The following ADAMTS17 variants were observed in gnomAD, a reference collection of about 807,000 sequenced individuals.
The protein encoded by ADAMTS17 is ADAM metallopeptidase with thrombospondin type 1 motif 17.
A neutral mutation model predicts 141.5 loss-of-function variants in ADAMTS17; 113 were observed. The ratio of observed to expected loss-of-function variants is 0.80; its 90% CI spans 0.69 to 0.93. The LOEUF is 0.93. Among genes scored for constraint, ADAMTS17 ranks in the 40% least tolerant of loss-of-function variants. The pLI, the probability that ADAMTS17 is intolerant of heterozygous loss-of-function variation, is 0.00. For synonymous variants in ADAMTS17, 768 were observed against 630.6 expected (o/e 1.22, Z -3.27); for missense variants, 1,659 against 1,517.9 (o/e 1.09, Z -1.54).
At chr15:100,147,403 C>T (rs765955869) in intron 10 of ADAMTS17, among the ~76,000 whole-genome samples, 16 of 152,162 alleles carry the variant, frequency 1.1e-4, no homozygotes, top group African/African-American at 1.4e-4. Flanking sequence ...CAAACCTAGA[C>T]GGCATAACCT....
In ADAMTS17 at chr15:99,993,338, G is replaced by A; in HGVS notation, c.2797-138C>T. The A allele has an allele frequency of 2.3e-6, 3 of 1,317,364 alleles. No homozygotes were observed. Among genetic ancestry groups the A allele is most frequent in the Non-Finnish European group, 3.2e-6 (3 of 931,868 alleles). The allele number at this position is 1,317,364 out of a possible 1,614,324, so 81.6% of individuals were successfully genotyped here. On this transcript the variant is annotated intron_variant, in intron 19 of 21. Transcript: ENST00000268070. This position sits in a 1 kb window ranked among gnomAD's most constrained non-coding sequence, Gnocchi z 4.3. ...AAACCCACACTTCTGTCCTCAAAAA[G>A]CTCCTGGTCTGCAGGGTCTTACGCA...
At chr15:100,042,845 T>C (rs1166807570) in intron 18 of ADAMTS17, among the ~76,000 whole-genome samples, 1 of 152,226 alleles carries the variant, frequency 6.6e-6, no homozygotes, top group East Asian at 1.9e-4. Context: ...GAAATTTTCC[T>C]TTTAATATTT....
At position 100,022,138 on chromosome 15, in the gene ADAMTS17, T is replaced by A. The variant is rs2061417353; in HGVS notation, c.2592-24549A>T. ...TTCCATCTGTGAAATGGGTTGAAAC[T>A]CATTTGTTTCTCACGTGGATGTGCC... On this transcript the variant is annotated intron_variant, in intron 18 of 21. Transcript: ENST00000268070. Among the ~76,000 whole-genome samples, 3 of 152,188 alleles carry A rather than the reference T, an allele frequency of 2.0e-5. No homozygotes were observed. The South Asian group carries it at 6.2e-4, about 31-fold the overall frequency.
intron 18 of ADAMTS17, among the ~76,000 whole-genome samples, chr15:100,019,341 G>A (rs988991285): frequency 6.6e-6 from 1 of 152,172 alleles, no homozygotes; most frequent in Non-Finnish European, 1.5e-5. Context: ...GACTTCCAAC[G>A]TATCTGTAAC....
chr15:100,172,740 C>A (rs1242924288), intron 8 of ADAMTS17, among the ~76,000 whole-genome samples: 3 of 152,210 alleles, frequency 2.0e-5, no homozygotes, highest in Non-Finnish European at 4.4e-5. Flanking sequence ...TAGGGGCTAC[C>A]TGCATTAGGA....
chr15:100,262,271 CG>C, intron 5 of ADAMTS17, 80 bp downstream of exon 5: 1 of 1,314,408 alleles, frequency 7.6e-7, no homozygotes, highest in Non-Finnish European at 1.1e-6. Flanking sequence ...CCTGGAGCCC[CG>C]CTTAGCATTC....
intron 18 of ADAMTS17, among the ~76,000 whole-genome samples, chr15:100,003,612 A>G (rs554542881): frequency 6.6e-6 from 1 of 152,284 alleles, no homozygotes; most frequent in South Asian, 2.1e-4. Context: ...ATTATTCACA[A>G]TAGCCAAAAG....
At chr15:100,085,451 T>A (rs1228287495) in intron 15 of ADAMTS17, among the ~76,000 whole-genome samples, 3 of 149,428 alleles carry the variant, frequency 2.0e-5, no homozygotes, top group African/African-American at 7.6e-5. Context: ...TTCCCCAATC[T>A]AGCAAGGCAG....
At chr15:100,249,970 C>A (rs1404981741) in intron 7 of ADAMTS17, among the ~76,000 whole-genome samples, 2 of 152,120 alleles carry the variant, frequency 1.3e-5, no homozygotes, top group Non-Finnish European at 2.9e-5. Context: ...GTTATGGTTT[C>A]AAGAGTAGAG....
rs367968155 is a variant in ADAMTS17 at position 100,233,965 on chromosome 15, G to A, written c.1075+20171C>T. ...AGTTCTATCTTAAGTGTCTTCAGAA[G>A]CTGTTAGAAGATTCTGAGCAGGGAA... On this transcript the variant is annotated intron_variant, in intron 7 of 21. Transcript: ENST00000268070. 3.5e-4 allele frequency among the ~76,000 whole-genome samples: 53 copies of A among 152,240 alleles called. No individual in the cohort carries two copies. The East Asian group carries it at 7.3e-3, about 21-fold the overall frequency.
chr15:100,128,910 G>C (rs1379160486), intron 12 of ADAMTS17: 1 of 152,196 alleles, frequency 6.6e-6, no homozygotes, highest in African/African-American at 2.4e-5. Flanking sequence ...AAAAGCTCTG[G>C]AAAGCCTTGT....
At chr15:100,199,642 G>A (rs1330953902) in intron 7 of ADAMTS17, among the ~76,000 whole-genome samples, 2 of 152,310 alleles carry the variant, frequency 1.3e-5, no homozygotes, top group African/African-American at 2.4e-5. Context: ...CATCTAATAC[G>A]CGTCGGGGGT....
intron 8 of ADAMTS17, among the ~76,000 whole-genome samples, chr15:100,167,519 T>C (rs903168992): frequency 3.3e-5 from 5 of 152,178 alleles, no homozygotes; most frequent in Admixed American, 2.6e-4. Flanking sequence ...CCAAAAGCTC[T>C]TTGCATCCAA....
intron 8 of ADAMTS17, among the ~76,000 whole-genome samples, chr15:100,176,735 TCAC>T (rs1231074034): frequency 2.0e-5 from 3 of 152,332 alleles, no homozygotes; most frequent in East Asian, 3.9e-4. Flanking sequence ...AACTGTATCA[TCAC>T]CACAAGACTA....
At chr15:100,118,491 T>C (rs2037280308) in intron 12 of ADAMTS17, among the ~76,000 whole-genome samples, 2 of 152,314 alleles carry the variant, frequency 1.3e-5, no homozygotes, top group East Asian at 3.9e-4. Context: ...CTGCTGGTCT[T>C]CCAGTTAGGC....
chr15:100,109,260 C>CCTCTAAACACGCGGCA lies in ADAMTS17; in HGVS notation c.1889-145_1889-144insTGCCGCGTGTTTAGAG, dbSNP rs1567188283. The CCTCTAAACACGCGGCA allele has an allele frequency of 4.6e-5, 54 of 1,165,232 alleles. No individual in the cohort carries two copies. The African/African-American group carries it at 6.2e-4, about 13-fold the overall frequency. 72.2% of individuals were successfully genotyped at this position (1,165,232 alleles called of 1,614,324 possible). On this transcript the variant is annotated intron_variant, in intron 13 of 21. Coordinates refer to ENST00000268070, the MANE Select transcript of ADAMTS17 (RefSeq NM_139057.4). The stretch of plus-strand genomic sequence containing the variant: ...AGGTGCATGAGCTCAGGTACGCGCT[C>CCTCTAAACACGCGGCA]CAGGAAGCGGAAAAAGACCCACAGC...
chr15:100,229,181 C>T (rs574420221), intron 7 of ADAMTS17, among the ~76,000 whole-genome samples: 1 of 152,122 alleles, frequency 6.6e-6, no homozygotes, highest in Non-Finnish European at 1.5e-5. Context: ...TGCTGAGGAG[C>T]CAGCACAGCT....
intron 18 of ADAMTS17, among the ~76,000 whole-genome samples, chr15:100,011,322 T>TGGGATGGAGGGAGGGAAGGAAAGGAGGGA (rs2061168513): frequency 1.3e-5 from 1 of 79,228 alleles, no homozygotes; most frequent in Non-Finnish European, 2.7e-5. Flanking sequence ...AAAGGAGGGA[T>TGGGATGGAGGGAGGGAAGGAAAGGAGGGA]GGGAGGGAGG....
At chr15:100,328,517 T>C (rs1417799701) in intron 3 of ADAMTS17, among the ~76,000 whole-genome samples, 1 of 152,178 alleles carries the variant, frequency 6.6e-6, no homozygotes, top group East Asian at 1.9e-4. Flanking sequence ...GATGCAAGGT[T>C]TGAGAGCAGG....
Sources: gnomAD v4.1 joint callset for allele counts (sites outside exome capture counted in the v4.1 genomes callset) on GRCh38, gnomAD v4.1.1 for gene constraint, Gnocchi (gnomAD v3.1) non-coding constraint, MANE v1.5 for transcripts, NCBI Gene and HGNC (gene_info 2026-07-23, HGNC 2026-07-21) for gene names.